The following DACH2 variants were observed in gnomAD, a reference collection of about 807,000 sequenced individuals.
The protein encoded by DACH2 is dachshund family transcription factor 2, also known as dachshund homolog 2.
In DACH2, 17 loss-of-function variants were observed where a neutral mutation model predicts 35.8. That is an observed-to-expected ratio of 0.48 (90% CI 0.33 to 0.71). DACH2 has a LOEUF of 0.71. Among genes scored for constraint, DACH2 ranks in the 30% least tolerant of loss-of-function variants. DACH2 has a pLI of 0.02. For missense variants in DACH2, 469 were observed against 472.7 expected (o/e 0.99, Z 0.07); for synonymous variants, 195 against 177.3 (o/e 1.10, Z -0.79).
At chrX:86,574,496 A>G (rs1226665173) in intron 3 of DACH2, among the ~76,000 whole-genome samples, 2 of 111,384 alleles carry the variant, frequency 1.8e-5, no homozygotes, top group East Asian at 5.6e-4. Context: ...GCATGTGCCT[A>G]GGCTTAGAGA....
chrX:86,589,203 A>T (rs1451261800), intron 3 of DACH2, among the ~76,000 whole-genome samples: 2 of 110,336 alleles, frequency 1.8e-5, no homozygotes, highest in Non-Finnish European at 3.8e-5. Flanking sequence ...TGATCTATTG[A>T]TCTTATTTAT....
intron 1 of DACH2, among the ~76,000 whole-genome samples, chrX:86,357,052 C>T (rs142065477): frequency 9.0e-6 from 1 of 111,342 alleles, no homozygotes; most frequent in Non-Finnish European, 1.9e-5. Context: ...TGAGAATATA[C>T]TGTATTGAAT....
At chrX:86,650,017 A>G (rs2040459780) in intron 3 of DACH2, among the ~76,000 whole-genome samples, 1 of 110,727 alleles carries the variant, frequency 9.0e-6, no homozygotes, top group Non-Finnish European at 1.9e-5. Context: ...AAAAATAATT[A>G]AGTTGAATTC....
intron 1 of DACH2, among the ~76,000 whole-genome samples, chrX:86,163,014 C>A (rs145859959): frequency 0.015 from 1,620 of 110,731 alleles, 22 homozygotes; most frequent in African/African-American, 0.049. Flanking sequence ...TGGGGTATCC[C>A]TCCACTCAAG....
intron 11 of DACH2, among the ~76,000 whole-genome samples, chrX:86,819,947 G>C (rs986080810): frequency 9.0e-6 from 1 of 111,623 alleles, no homozygotes; most frequent in Non-Finnish European, 1.9e-5. Context: ...GTGGCTAGTG[G>C]TATAGTAGAC....
intron 2 of DACH2, among the ~76,000 whole-genome samples, chrX:86,407,941 CT>C (rs1162533271): frequency 1.0e-4 from 11 of 109,670 alleles, no homozygotes; most frequent in East Asian, 5.7e-4. Context: ...TTATTTTTCT[CT>C]TTTTTTTTCA....
chrX:86,514,359 G>A lies in DACH2; in HGVS notation c.608G>A (p.Gly203Asp). Residue 203 changes from glycine to aspartate, a missense_variant, in exon 3 of 12, where the codon GGC becomes GAC. By Grantham distance (94) the Gly-to-Asp change is moderately conservative. Coordinates refer to ENST00000373125, the MANE Select transcript of DACH2 (RefSeq NM_053281.3). ...CGCCTTCTGACCCATGCAGTCCCAG[G>A]CCTCTTATCGCCAGGACTTATCACT... ...NARLLTHAVP[G>D]LLSPGLITPT... 1.7e-6 allele frequency: 2 copies of A among 1,210,338 alleles called. No individual in the cohort carries two copies. The highest frequency in any genetic ancestry group is 4.4e-5 in the Admixed American group (2 of 45,860).
intron 2 of DACH2, among the ~76,000 whole-genome samples, chrX:86,395,995 G>T (rs1421534244): frequency 9.0e-6 from 1 of 111,654 alleles, no homozygotes; most frequent in Non-Finnish European, 1.9e-5. Flanking sequence ...CTAGTTTACA[G>T]TCCCACCAAC....
intron 7 of DACH2, among the ~76,000 whole-genome samples, chrX:86,799,466 C>T (rs746808538): frequency 3.6e-5 from 4 of 111,785 alleles, no homozygotes; most frequent in African/African-American, 1.3e-4. Context: ...CAGGTGATTT[C>T]TGCATTTCCA....
intron 3 of DACH2, among the ~76,000 whole-genome samples, chrX:86,531,736 T>C (rs1420045995): frequency 8.9e-6 from 1 of 112,086 alleles, no homozygotes; most frequent in African/African-American, 3.2e-5. Flanking sequence ...CCACACAGCA[T>C]CCCCACTGGG....
At chrX:86,201,212 C>T (rs1325479720) in intron 1 of DACH2, among the ~76,000 whole-genome samples, 1 of 103,036 alleles carries the variant, frequency 9.7e-6, no homozygotes, top group Non-Finnish European at 2.0e-5. Context: ...CGCATGTTCT[C>T]ACTTATAAGG....
chrX:86,486,464 T>A (rs1170261838), intron 2 of DACH2, among the ~76,000 whole-genome samples: 2 of 111,056 alleles, frequency 1.8e-5, no homozygotes, highest in Non-Finnish European at 3.8e-5. Flanking sequence ...AAGTTCCAGC[T>A]TCCTTTACCT....
intron 2 of DACH2, among the ~76,000 whole-genome samples, chrX:86,464,453 A>G (rs112009045): frequency 0.022 from 2,406 of 111,141 alleles, 67 homozygotes; most frequent in African/African-American, 0.074. Context: ...CTCACTCATA[A>G]GTGGGAGTTG....
intron 2 of DACH2, among the ~76,000 whole-genome samples, chrX:86,412,266 C>CA (rs779537384): frequency 9.0e-6 from 1 of 111,294 alleles, no homozygotes; most frequent in East Asian, 2.9e-4. Flanking sequence ...GAACGGAAAG[C>CA]AAAAATTTTG....
intron 2 of DACH2, among the ~76,000 whole-genome samples, chrX:86,407,256 A>T (rs2148139059): frequency 8.9e-6 from 1 of 111,977 alleles, no homozygotes; most frequent in African/African-American, 3.2e-5. Flanking sequence ...TTTCTCTGTG[A>T]CCTTTTGCCA....
chrX:86,178,071 A>C (rs1408817316), intron 1 of DACH2, among the ~76,000 whole-genome samples: 4 of 111,970 alleles, frequency 3.6e-5, no homozygotes, highest in African/African-American at 1.3e-4. Context: ...TATTTTATCA[A>C]GGAAGAATCA....
intron 2 of DACH2, among the ~76,000 whole-genome samples, chrX:86,437,977 C>A: frequency 9.1e-6 from 1 of 109,575 alleles, no homozygotes; most frequent in South Asian, 4.0e-4. Flanking sequence ...TATTTTGTCA[C>A]CCAGGTACTA....
intron 3 of DACH2, among the ~76,000 whole-genome samples, chrX:86,616,857 G>A (rs1174075989): frequency 8.9e-6 from 1 of 111,738 alleles, no homozygotes; most frequent in Non-Finnish European, 1.9e-5. Flanking sequence ...GTCCACAATG[G>A]TATTGCCTAG....
At chrX:86,336,233 G>A (rs1014415776) in intron 1 of DACH2, among the ~76,000 whole-genome samples, 2 of 112,111 alleles carry the variant, frequency 1.8e-5, no homozygotes, top group Non-Finnish European at 3.8e-5. Context: ...TCTCTGCCAG[G>A]TTTTGGTATC....
Sources: allele counts gnomAD v4.1 joint callset (sites outside exome capture counted in the v4.1 genomes callset), GRCh38; gene constraint gnomAD v4.1.1; transcripts MANE v1.5; gene names NCBI Gene and HGNC (gene_info 2026-07-23, HGNC 2026-07-21).